The following ZBTB7A variants were observed in gnomAD, a reference collection of about 807,000 sequenced individuals.
The protein encoded by ZBTB7A is zinc finger and BTB domain containing 7A.
In ZBTB7A, 7 loss-of-function variants were observed where a neutral mutation model predicts 26.7. That is an observed-to-expected ratio of 0.26 (90% CI 0.15 to 0.49). The LOEUF (loss-of-function observed/expected upper bound fraction) is 0.49. ZBTB7A is among the 20% of genes least tolerant of loss of function. The probability of loss-of-function intolerance (pLI) is 0.98; values close to 1 mark genes in which losing one functional copy is unlikely to be tolerated. For missense variants in ZBTB7A, 617 were observed against 919.5 expected (o/e 0.67, Z 4.25); for synonymous variants, 452 against 441.0 (o/e 1.02, Z -0.31).
At chr19:4,055,540 C>A in intron 1 of ZBTB7A, 1 of 944,084 alleles carries the variant, frequency 1.1e-6, no homozygotes, top group Non-Finnish European at 1.3e-6. Context: ...CCCCTGGCCT[C>A]GGCCTGGCGC....
chr19:4,053,850 T>C, intron 2 of ZBTB7A, 121 bp downstream of exon 2: 1 of 1,160,088 alleles, frequency 8.6e-7, no homozygotes, highest in South Asian at 1.5e-5. Flanking sequence ...TGCACGTGCG[T>C]GTATGTGTGC....
intron 1 of ZBTB7A, 169 bp from the exon 2 acceptor site, chr19:4,055,416 G>T: frequency 1.0e-6 from 1 of 985,420 alleles, no homozygotes; most frequent in Non-Finnish European, 1.2e-6. Flanking sequence ...TCCAGCCCCA[G>T]CTTCCCCAGC....
At position 4,054,968 on chromosome 19, in the gene ZBTB7A, T is replaced by C; in HGVS notation, c.265A>G (p.Met89Val). The C allele has an allele frequency of 6.2e-7, 1 of 1,611,982 alleles. No homozygotes were observed. The highest frequency in any genetic ancestry group is 8.5e-7 in the Non-Finnish European group (1 of 1,179,718). Reference protein sequence around the residue: ...FVSAEALTALMDFAYTATLTV... With the variant: ...FVSAEALTALVDFAYTATLTV... ...AGCGTGGCCGTGTAGGCGAAGTCCA[T>C]GAGCGCGGTGAGCGCCTCGGCGCTG... Residue 89 changes from methionine to valine, a missense_variant, in exon 2 of 3, where the codon ATG becomes GTG. Around this residue, in one of 5 missense-constraint regions of ZBTB7A, gnomAD observed 82 missense variants for 195.2 expected, o/e 0.42. Transcript: ENST00000322357.
intron 1 of ZBTB7A, among the ~76,000 whole-genome samples, chr19:4,064,616 A>C (rs750316535): frequency 1.1e-3 from 174 of 152,194 alleles, no homozygotes; most frequent in Non-Finnish European, 2.1e-3. Flanking sequence ...CGGCACGCTC[A>C]GGGTTACGCC....
intron 1 of ZBTB7A, among the ~76,000 whole-genome samples, chr19:4,057,218 C>A (rs186071188): frequency 1.3e-5 from 2 of 151,474 alleles, no homozygotes; most frequent in East Asian, 3.9e-4. Context: ...TGTGGTGGCG[C>A]GTGCCTGTAA....
At chr19:4,059,098 G>A (rs377346509) in intron 1 of ZBTB7A, among the ~76,000 whole-genome samples, 1 of 152,200 alleles carries the variant, frequency 6.6e-6, no homozygotes, top group South Asian at 2.1e-4. Context: ...GCCCTGGGCC[G>A]CGGGGAGCGT....
intron 1 of ZBTB7A, among the ~76,000 whole-genome samples, chr19:4,063,334 C>G (rs764421680): frequency 5.3e-5 from 8 of 152,218 alleles, no homozygotes; most frequent in Admixed American, 1.3e-4. Context: ...TTGAGGAGCC[C>G]TCCTTGGAGC....
chr19:4,059,327 AGCGACCTCCTGCAG>A (rs2040616098), intron 1 of ZBTB7A, among the ~76,000 whole-genome samples: 1 of 152,026 alleles, frequency 6.6e-6, no homozygotes, highest in South Asian at 2.1e-4. Flanking sequence ...CAGGTGGCTC[AGCGACCTCCTGCAG>A]GTCCCCGCCA....
intron 1 of ZBTB7A, 110 bp from the exon 2 acceptor site, chr19:4,055,357 C>T (rs2144995317): frequency 2.1e-6 from 3 of 1,403,082 alleles, no homozygotes; most frequent in Non-Finnish European, 2.8e-6. Context: ...CCTGCTCCCC[C>T]AGCCTCACAT....
At position 4,054,158 on chromosome 19, in the gene ZBTB7A, C is replaced by A; in HGVS notation, c.1075G>T (p.Ala359Ser). The change falls in exon 2 of 3, where the codon GCC (alanine) becomes TCC (serine). Residue 359 changes from alanine to serine, a missense_variant. Ala to Ser is a moderately conservative substitution (Grantham distance 99, BLOSUM62 1). This residue lies in a region of ZBTB7A where 331 missense variants were observed against 391.3 expected (regional missense o/e 0.85). Coordinates refer to ENST00000322357, the MANE Select transcript of ZBTB7A (RefSeq NM_015898.4). Reference sequence around the variant, plus strand: ...GCCGGGTAGACGTCGCCGTCGTGGGCGCCGCTGAAGTACTTCAGGTAGTAG... The same window carrying A: ...GCCGGGTAGACGTCGCCGTCGTGGGAGCCGCTGAAGTACTTCAGGTAGTAG... ...MDYYLKYFSGAHDGDVYPAWS... is the reference protein window; with the variant it reads ...MDYYLKYFSGSHDGDVYPAWS... The A allele has an allele frequency of 6.2e-7, 1 of 1,602,250 alleles. No individual in the cohort carries two copies. Among genetic ancestry groups the A allele is most frequent in the Middle Eastern group, 1.7e-4 (1 of 6,058 alleles).
intron 1 of ZBTB7A, among the ~76,000 whole-genome samples, chr19:4,063,030 C>T (rs1429672576): frequency 1.3e-5 from 2 of 152,184 alleles, no homozygotes; most frequent in South Asian, 2.1e-4. Flanking sequence ...CACCCAAGCT[C>T]GTTCCTCTTG....
rs763134813 is a variant in ZBTB7A, at chr19:4,047,703, C to T, written c.*49G>A. The T allele has an allele frequency of 3.9e-5, 59 of 1,515,554 alleles. No individual in the cohort carries two copies. The highest frequency in any genetic ancestry group is 4.8e-5 in the Admixed American group (2 of 42,034). The allele number at this position is 1,515,554 out of a possible 1,614,324, so 93.9% of individuals were successfully genotyped here. A position where few individuals can be genotyped will look rare whatever the true frequency, so the allele number is the denominator to read the frequency against. On this transcript the variant is annotated 3_prime_UTR_variant, in exon 3 of 3. Coordinates refer to ENST00000322357, the MANE Select transcript of ZBTB7A (RefSeq NM_015898.4). Reference sequence around the variant, plus strand: ...GGGGGTGGTGGGTGATTTTTTTTCTCTCTCTCTGTCTCTCTCTTTCTCGGG... The same window carrying T: ...GGGGGTGGTGGGTGATTTTTTTTCTTTCTCTCTGTCTCTCTCTTTCTCGGG...
intron 1 of ZBTB7A, among the ~76,000 whole-genome samples, chr19:4,060,133 G>A (rs1305355982): frequency 2.6e-5 from 4 of 151,736 alleles, no homozygotes; most frequent in Non-Finnish European, 5.9e-5. Context: ...CTCGGCGGCC[G>A]AGGGGCAGGC....
intron 1 of ZBTB7A, among the ~76,000 whole-genome samples, chr19:4,060,823 G>A (rs1215733166): frequency 6.6e-6 from 1 of 152,124 alleles, no homozygotes; most frequent in African/African-American, 2.4e-5. Context: ...CCTTCCCGAA[G>A]GTCACTTCCT....
chr19:4,053,943 G>A (rs746540652), intron 2 of ZBTB7A, 28 bp downstream of exon 2: 8 of 1,564,920 alleles, frequency 5.1e-6, no homozygotes, highest in South Asian at 1.2e-5. Context: ...AGAGCAGGAC[G>A]GCGCCTCCCC....
At position 4,054,369 on chromosome 19, in the gene ZBTB7A, G is replaced by T; in HGVS notation, c.864C>A (p.Pro288=). Residue 288 remains proline, a synonymous_variant, in exon 2 of 3, where the codon CCC becomes CCA. Transcript: ENST00000322357. ...EEAASLSEAA[P]EPGDSPGFLS... is the part of the protein sequence containing the mutation. ...GGAAGCCCGGAGAGTCGCCCGGCTC[G>T]GGGGCCGCCTCCGACAGCGAGGCGG... 6.9e-7 allele frequency: 1 copy of T among 1,451,974 alleles called. No homozygotes were observed. The highest frequency in any genetic ancestry group is 3.0e-5 in the East Asian group (1 of 33,596). The allele number at this position is 1,451,974 out of a possible 1,614,324, so 89.9% of individuals were successfully genotyped here.
Position 4,054,371 on chromosome 19 carries a change from GGGCCGCCTCCGACAGCGAGGC to G in ZBTB7A, c.841_861del (p.Ala281_Ala287del), listed in dbSNP as rs2040546804. 1.4e-6 allele frequency: 2 copies of G among 1,450,302 alleles called. No individual in the cohort carries two copies. The highest frequency in any genetic ancestry group is 1.8e-6 in the Non-Finnish European group (2 of 1,112,726). 89.8% of individuals were successfully genotyped at this position (1,450,302 alleles called of 1,614,324 possible). ...AAGCCCGGAGAGTCGCCCGGCTCGG[GGGCCGCCTCCGACAGCGAGGC>G]GGCCTCCTCCTCTCCGCCGCGGCCG... On this transcript the variant is annotated inframe_deletion, in exon 2 of 3. Transcript: ENST00000322357.
Position 4,048,148 on chromosome 19 carries a change from C to T in ZBTB7A, c.1359G>A (p.Leu453=), listed in dbSNP as rs760365409. ...CGAAFAHNYD[L]KNHMRVHTGL... ...CCGTGTGCACGCGCATGTGGTTCTT[C>T]AGGTCGTAGTTGTGGGCAAAGGCGG... Residue 453 remains leucine (L), a synonymous_variant, in exon 3 of 3, where the codon CTG becomes CTA. Coordinates refer to ENST00000322357, the MANE Select transcript of ZBTB7A (RefSeq NM_015898.4). This position sits in a 1 kb window ranked among gnomAD's most constrained non-coding sequence, Gnocchi z 6.7. The T allele has an allele frequency of 6.2e-7, 1 of 1,609,690 alleles. No individual in the cohort carries two copies. Among genetic ancestry groups the T allele is most frequent in the East Asian group, 2.2e-5 (1 of 44,630 alleles).
chr19:4,065,940 G>A (rs1376574660), intron 1 of ZBTB7A, among the ~76,000 whole-genome samples: 2 of 125,812 alleles, frequency 1.6e-5, no homozygotes, highest in African/African-American at 6.0e-5. Context: ...GCGCCGCGCC[G>A]CGCGATCGGC....
Sources: gnomAD v4.1 joint callset for allele counts (sites outside exome capture counted in the v4.1 genomes callset) on GRCh38, gnomAD v4.1.1 for gene constraint, gnomAD v4.1.1 regional missense constraint, Gnocchi (gnomAD v3.1) non-coding constraint, MANE v1.5 for transcripts, NCBI Gene and HGNC (gene_info 2026-07-23, HGNC 2026-07-21) for gene names.